The following TRPM3 variants were observed in gnomAD, a reference collection of about 807,000 sequenced individuals.
TRPM3 encodes the protein transient receptor potential cation channel subfamily M member 3, also known as long transient receptor potential channel 3.
Under a neutral mutation model 181.2 loss-of-function variants are expected in TRPM3, and 77 were observed. The observed-to-expected ratio is 0.42, with a 90% CI of 0.35 to 0.51. TRPM3 has a LOEUF of 0.51. Ranked by LOEUF, TRPM3 falls within the 20% of genes least tolerant of loss-of-function variation. TRPM3 has a pLI of 0.01. For synonymous variants in TRPM3, 745 were observed against 796.4 expected (o/e 0.94, Z 1.09); for missense variants, 1,759 against 2,196.7 (o/e 0.80, Z 3.98).
At chr9:71,307,025 T>C (rs1279719336) in intron 1 of TRPM3, among the ~76,000 whole-genome samples, 3 of 152,230 alleles carry the variant, frequency 2.0e-5, no homozygotes, top group African/African-American at 4.8e-5. Context: ...TTCCAGTTTT[T>C]TACTGCAGTT....
At chr9:70,688,437 C>T (rs746803942) in intron 8 of TRPM3, among the ~76,000 whole-genome samples, 1 of 152,126 alleles carries the variant, frequency 6.6e-6, no homozygotes, top group Non-Finnish European at 1.5e-5. Flanking sequence ...TGTACCCAAC[C>T]ATCCTCCCAA....
At chr9:70,841,764 T>TGAAA (rs1016745491) in intron 5 of TRPM3, among the ~76,000 whole-genome samples, 21 of 146,592 alleles carry the variant, frequency 1.4e-4, no homozygotes, top group Admixed American at 4.1e-4. Context: ...CATAACAGAG[T>TGAAA]GAAATCATGT....
chr9:71,045,848 T>C (rs899213372), intron 1 of TRPM3, among the ~76,000 whole-genome samples: 3 of 152,096 alleles, frequency 2.0e-5, no homozygotes, highest in Non-Finnish European at 4.4e-5. Context: ...CCCATAAAAT[T>C]GGGGATTCAA....
At chr9:71,226,009 TAAAAAAAAAAAAAAAA>T in intron 1 of TRPM3, among the ~76,000 whole-genome samples, 5 of 34,706 alleles carry the variant, frequency 1.4e-4, no homozygotes, top group South Asian at 2.4e-3. Context: ...CAACAAAAGG[TAAAAAAAAAAAAAAAA>T]AAAAAAAAAA....
At chr9:70,618,555 G>A (rs2063140008) in intron 17 of TRPM3, among the ~76,000 whole-genome samples, 1 of 152,216 alleles carries the variant, frequency 6.6e-6, no homozygotes, top group Non-Finnish European at 1.5e-5. Flanking sequence ...GGTGCAGCTG[G>A]CTTTGCTTGT....
chr9:71,000,311 G>A (rs1244761233), intron 1 of TRPM3, among the ~76,000 whole-genome samples: 1 of 152,156 alleles, frequency 6.6e-6, no homozygotes, highest in Non-Finnish European at 1.5e-5. Context: ...AGGTTGAAGT[G>A]TTGAATTCCA....
chr9:71,026,647 C>T (rs1199888355), intron 1 of TRPM3, among the ~76,000 whole-genome samples: 4 of 152,170 alleles, frequency 2.6e-5, no homozygotes, highest in African/African-American at 9.7e-5. Flanking sequence ...CATGGGAGCA[C>T]TGGTGGGCTC....
intron 8 of TRPM3, among the ~76,000 whole-genome samples, chr9:70,698,465 G>A (rs2071327454): frequency 6.6e-6 from 1 of 152,270 alleles, no homozygotes; most frequent in African/African-American, 2.4e-5. Flanking sequence ...AGTTAAGTGA[G>A]ATAATGTACA....
chr9:71,227,910 G>A (rs1049821193), intron 1 of TRPM3, among the ~76,000 whole-genome samples: 2 of 151,976 alleles, frequency 1.3e-5, no homozygotes, highest in South Asian at 4.1e-4. Flanking sequence ...CAAACATTTA[G>A]AGAACTAATA....
At chr9:71,037,688 C>T (rs555478343) in intron 1 of TRPM3, among the ~76,000 whole-genome samples, 4 of 152,194 alleles carry the variant, frequency 2.6e-5, no homozygotes, top group Non-Finnish European at 2.9e-5. Context: ...TGCAGAACAT[C>T]GGCATGATGA....
At chr9:71,282,063 GAAAGAAAGGAAAGA>G (rs748993179) in intron 1 of TRPM3, among the ~76,000 whole-genome samples, 1 of 97,232 alleles carries the variant, frequency 1.0e-5, no homozygotes, top group African/African-American at 4.3e-5. Context: ...CAGAAAGAGA[GAAAGAAAGGAAAGA>G]AAGGAAAGAA....
chr9:70,786,027 G>C (rs2083505666), intron 6 of TRPM3, among the ~76,000 whole-genome samples: 1 of 152,088 alleles, frequency 6.6e-6, no homozygotes, highest in African/African-American at 2.4e-5. Context: ...GAAAGGCCTT[G>C]CTGTTCTGTT....
intron 1 of TRPM3, among the ~76,000 whole-genome samples, chr9:71,438,214 GA>G (rs991892747): frequency 1.3e-5 from 2 of 152,118 alleles, no homozygotes; most frequent in African/African-American, 4.8e-5. Context: ...TCAGGAGAGG[GA>G]AAACCATAGA....
chr9:70,823,082 G>C (rs541795941), intron 6 of TRPM3, among the ~76,000 whole-genome samples: 1 of 152,178 alleles, frequency 6.6e-6, no homozygotes, highest in East Asian at 1.9e-4. Flanking sequence ...CCTCACGGAG[G>C]CTAGGCTGCT....
intron 1 of TRPM3, among the ~76,000 whole-genome samples, chr9:71,270,216 G>T (rs1757528414): frequency 1.3e-5 from 2 of 152,150 alleles, no homozygotes; most frequent in South Asian, 2.1e-4. Flanking sequence ...CGGGGGTAGT[G>T]GTGGGTGCCT....
intron 1 of TRPM3, among the ~76,000 whole-genome samples, chr9:71,048,707 G>A (rs987410010): frequency 6.6e-6 from 1 of 152,154 alleles, no homozygotes; most frequent in African/African-American, 2.4e-5. Flanking sequence ...TCTTGCTTGA[G>A]AAAGGACATG....
intron 1 of TRPM3, among the ~76,000 whole-genome samples, chr9:71,090,607 C>A (rs2066040776): frequency 6.6e-6 from 1 of 152,140 alleles, no homozygotes; most frequent in Admixed American, 6.6e-5. Context: ...AGTGGGACAA[C>A]AGCTTTTCTT....
intron 9 of TRPM3, among the ~76,000 whole-genome samples, chr9:70,663,274 C>T (rs1413282080): frequency 6.6e-6 from 1 of 152,082 alleles, no homozygotes; most frequent in Non-Finnish European, 1.5e-5. Flanking sequence ...TAAAAGACTA[C>T]ATATTGGATA....
intron 1 of TRPM3, among the ~76,000 whole-genome samples, chr9:71,200,219 T>C (rs2078686290): frequency 6.6e-6 from 1 of 152,080 alleles, no homozygotes; most frequent in African/African-American, 2.4e-5. Context: ...CTAGTTTGAT[T>C]GCACTGTGGT....
Sources: allele counts gnomAD v4.1 joint callset (sites outside exome capture counted in the v4.1 genomes callset), GRCh38; gene constraint gnomAD v4.1.1; transcripts MANE v1.5; gene names NCBI Gene and HGNC (gene_info 2026-07-23, HGNC 2026-07-21).